Variants in NF1 observed in about 807,000 individuals in gnomAD.
NF1 encodes the protein neurofibromin 1.
NF1 carries 122 observed loss-of-function variants against 325.7 expected under a neutral mutation model. The observed-to-expected ratio is 0.37, with a 90% CI of 0.32 to 0.44. The LOEUF is 0.44. Ranked by LOEUF, NF1 falls within the 20% of genes least tolerant of loss-of-function variation. The probability of loss-of-function intolerance (pLI) is 1.00; values close to 1 mark genes in which losing one functional copy is unlikely to be tolerated. For missense variants in NF1, 2,140 were observed against 3,415.4 expected (o/e 0.63, Z 9.31); for synonymous variants, 1,091 against 1,186.0 (o/e 0.92, Z 1.65).
chr17:31,335,298 T>TATATATATATA (rs1378688067), intron 40 of NF1, among the ~76,000 whole-genome samples: 3 of 2,118 alleles, frequency 1.4e-3, no homozygotes, highest in Non-Finnish European at 3.4e-3. Context: ...ATATATATAA[T>TATATATATATA]TATGCCTTGA....
intron 1 of NF1, among the ~76,000 whole-genome samples, chr17:31,126,152 C>T (rs1914868457): frequency 1.3e-5 from 2 of 151,826 alleles, no homozygotes; most frequent in Admixed American, 1.3e-4. Context: ...CTTGCCATTG[C>T]ACTCCAGCCT....
At chr17:31,235,471 T>C in intron 27 of NF1, 140 bp from the exon 28 acceptor site, 2 of 823,476 alleles carry the variant, frequency 2.4e-6, no homozygotes, top group Middle Eastern at 2.2e-4. Context: ...AATCTCAGGA[T>C]AAATATTAAT....
chr17:31,303,060 G>A (rs577958431), intron 36 of NF1, among the ~76,000 whole-genome samples: 38 of 152,208 alleles, frequency 2.5e-4, no homozygotes, highest in African/African-American at 8.9e-4. Flanking sequence ...AAACCCTACT[G>A]GTTCTTATTA....
At chr17:31,367,730 G>A (rs150650420) in intron 57 of NF1, among the ~76,000 whole-genome samples, 8 of 152,220 alleles carry the variant, frequency 5.3e-5, no homozygotes, top group Admixed American at 2.0e-4. Flanking sequence ...GGCCAGGTGC[G>A]ATGGCTCACG....
In NF1 at chr17:31,196,522, A is replaced by G. The variant is rs111997029; in HGVS notation, c.889-3900A>G. Among the ~76,000 whole-genome samples the G allele has an allele frequency of 1.6e-3, 251 of 152,286 alleles. 1 individual carries two copies. The highest frequency in any genetic ancestry group is 5.8e-3 in the African/African-American group (241 of 41,576). The stretch of plus-strand genomic sequence containing the variant: ...TCTTGATAGTGTCGTTTGATACACA[A>G]AAGTTTTTATTTTGATGAAATCCAG... On this transcript the variant is annotated intron_variant, in intron 8 of 57. Coordinates refer to ENST00000358273, the MANE Select transcript of NF1 (RefSeq NM_001042492.3).
chr17:31,158,579 T>TGTA (rs2065708359), intron 2 of NF1, among the ~76,000 whole-genome samples: 1 of 152,188 alleles, frequency 6.6e-6, no homozygotes, highest in Non-Finnish European at 1.5e-5. Context: ...TAAATACATA[T>TGTA]GTAGTATTCA....
At chr17:31,218,915 C>G (rs1391035490) in intron 13 of NF1, 90 bp from the exon 14 acceptor site, 2 of 1,319,424 alleles carry the variant, frequency 1.5e-6, no homozygotes, top group Non-Finnish European at 2.1e-6. Flanking sequence ...AACTTGGTAC[C>G]CTTTAGCAGT....
rs2151538196 is a variant in NF1 at position 31,326,015 on chromosome 17, C to G, written c.5031C>G (p.Val1677=). The G allele has an allele frequency of 6.2e-7, 1 of 1,614,206 alleles. No homozygotes were observed. The highest frequency in any genetic ancestry group is 8.5e-7 in the Non-Finnish European group (1 of 1,180,040). The change falls in exon 37 of 58, where the codon GTC becomes GTG. Residue 1677 remains valine, a synonymous_variant. Coordinates refer to ENST00000358273, the MANE Select transcript of NF1 (RefSeq NM_001042492.3). Reference sequence around the variant, plus strand: ...TTGCTTACGACAACGTCTCCGCAGTCTATATCTATAACTGTAACTCCTGGG... The same window carrying G: ...TTGCTTACGACAACGTCTCCGCAGTGTATATCTATAACTGTAACTCCTGGG... ...PGFAYDNVSA[V]YIYNCNSWVR... is the part of the protein sequence containing the mutation.
chr17:31,145,266 C>T (rs1916508515), intron 1 of NF1, among the ~76,000 whole-genome samples: 1 of 152,212 alleles, frequency 6.6e-6, no homozygotes, highest in African/African-American at 2.4e-5. Context: ...GATCTGGGCT[C>T]AATGCAACCT....
chr17:31,205,516 G>A (rs2066603914), intron 11 of NF1, among the ~76,000 whole-genome samples: 1 of 152,048 alleles, frequency 6.6e-6, no homozygotes, highest in Non-Finnish European at 1.5e-5. Context: ...TAAAGTTAAA[G>A]ATACACTTCC....
intron 36 of NF1, chr17:31,318,712 C>T: frequency 5.0e-6 from 8 of 1,614,060 alleles, no homozygotes; most frequent in Non-Finnish European, 6.8e-6. Context: ...AGGACTGTTG[C>T]TGACGACAGA....
In NF1 at chr17:31,235,812, T is replaced by C. The variant is rs754229710; in HGVS notation, c.3870+40T>C. 6 of 1,613,294 alleles carry C rather than the reference T, an allele frequency of 3.7e-6. No homozygotes were observed. In the South Asian group the frequency reaches 6.6e-5, roughly 18 times the overall value. Reference sequence around the variant, plus strand: ...TTTTGTGTGTATGTGTGTGCTGAGGTATGTCAAGTAATGATTATGTACAGA... The same window carrying C: ...TTTTGTGTGTATGTGTGTGCTGAGGCATGTCAAGTAATGATTATGTACAGA... On this transcript the variant is annotated intron_variant, in intron 28 of 57. Transcript: ENST00000358273.
chr17:31,213,999 G>C lies in NF1; in HGVS notation c.1393-452G>C, dbSNP rs556457999. On this transcript the variant is annotated intron_variant, in intron 12 of 57. Transcript: ENST00000358273. ...CATTCCTTTTGGGACATCAAATAAT[G>C]ATGCATCTTACAATTGATAATGTTG... 1.2e-3 allele frequency among the ~76,000 whole-genome samples: 188 copies of C among 152,144 alleles called. 2 individuals carry two copies. Among genetic ancestry groups the C allele is most frequent in the Admixed American group, 2.2e-3 (34 of 15,290 alleles).
At chr17:31,113,031 T>G (rs1913560784) in intron 1 of NF1, among the ~76,000 whole-genome samples, 1 of 152,224 alleles carries the variant, frequency 6.6e-6, no homozygotes, top group African/African-American at 2.4e-5. Flanking sequence ...TCCAGCTTTC[T>G]TGTTTCTCAG....
chr17:31,263,307 G>A (rs1310611829), intron 35 of NF1, among the ~76,000 whole-genome samples: 2 of 151,984 alleles, frequency 1.3e-5, no homozygotes, highest in Non-Finnish European at 2.9e-5. Context: ...AGGTGTGATG[G>A]TACGCACCTG....
At chr17:31,245,365 A>T (rs911219201) in intron 29 of NF1, among the ~76,000 whole-genome samples, 4 of 152,186 alleles carry the variant, frequency 2.6e-5, no homozygotes, top group Middle Eastern at 3.2e-3. Flanking sequence ...ACCATCAGCC[A>T]TTCTCCAATA....
At chr17:31,172,444 T>TATAGATATATCTGTATCTTG (rs1567821924) in intron 5 of NF1, among the ~76,000 whole-genome samples, 2 of 152,196 alleles carry the variant, frequency 1.3e-5, no homozygotes, top group Non-Finnish European at 2.9e-5. Context: ...CAGATCTGTC[T>TATAGATATATCTGTATCTTG]ATAGATATAT....
intron 23 of NF1, 130 bp from the exon 24 acceptor site, chr17:31,230,712 T>A: frequency 1.3e-6 from 1 of 763,074 alleles, no homozygotes; most frequent in Non-Finnish European, 2.3e-6. Context: ...GTATCTCTTT[T>A]ATAAAGTCGT....
chr17:31,320,751 G>A (rs1052878145), intron 36 of NF1, among the ~76,000 whole-genome samples: 17 of 152,114 alleles, frequency 1.1e-4, no homozygotes, highest in African/African-American at 4.1e-4. Flanking sequence ...TTTAAGTTTA[G>A]TGACATAAAT....
Sources: allele counts gnomAD v4.1 joint callset (sites outside exome capture counted in the v4.1 genomes callset), GRCh38; gene constraint gnomAD v4.1.1; transcripts MANE v1.5; gene names NCBI Gene and HGNC (gene_info 2026-07-23, HGNC 2026-07-21).